Variants in NELFA observed in about 807,000 individuals in gnomAD.
NELFA encodes negative elongation factor complex member A.
In NELFA, 35 loss-of-function variants were observed where a neutral mutation model predicts 51.8. The ratio of observed to expected loss-of-function variants is 0.68; its 90% CI spans 0.52 to 0.90. The LOEUF is 0.90. NELFA is among the 40% of genes least tolerant of loss of function. The pLI, the probability that NELFA is intolerant of heterozygous loss-of-function variation, is 0.00. For missense variants in NELFA, 658 were observed against 746.4 expected, an observed-to-expected ratio of 0.88 and a Z score of 1.38; for synonymous variants, 417 against 338.4, an observed-to-expected ratio of 1.23 and a Z score of -2.55.
chr4:1,999,421 C>A (rs753663870), intron 1 of NELFA, among the ~76,000 whole-genome samples: 6 of 151,954 alleles, frequency 3.9e-5, no homozygotes, highest in Non-Finnish European at 8.8e-5. Flanking sequence ...CAAAGACACA[C>A]ACAGGCTCAG....
Position 1,982,980 on chromosome 4 carries a change from G to GA in NELFA, c.*338dup, listed in dbSNP as rs1727935142. ...GGCACTGCCCCAGCGAGGGAAAATA[G>GA]AAAAGATTTTAAAAAGTAAGAGTCT... On this transcript the variant is annotated 3_prime_UTR_variant, in exon 11 of 11. Coordinates refer to ENST00000382882, the MANE Select transcript of NELFA (RefSeq NM_005663.5). 2 of 193,972 alleles carry GA rather than the reference G, an allele frequency of 1.0e-5. No individual in the cohort carries two copies. Among genetic ancestry groups the GA allele is most frequent in the African/African-American group, 4.7e-5 (2 of 42,246 alleles). The allele number at this position is 193,972 out of a possible 1,614,324, so 12.0% of individuals were successfully genotyped here. A position where few individuals can be genotyped will look rare whatever the true frequency, so the allele number is the denominator to read the frequency against.
intron 1 of NELFA, among the ~76,000 whole-genome samples, chr4:2,000,610 G>A (rs57589679): frequency 7.3e-4 from 111 of 152,196 alleles, no homozygotes; most frequent in African/African-American, 2.4e-3. Context: ...GGAAGAAGTC[G>A]AATCCCTGAC....
rs1728163533 is a variant in NELFA, at chr4:1,988,081, C to T, written c.545-74G>A. ...TTGGCCCTTGTAAAAACATCTCTGT[C>T]AAGTGGATTCATCCGACGGCCTGAG... On this transcript the variant is annotated intron_variant, in intron 3 of 10. Coordinates refer to ENST00000382882, the MANE Select transcript of NELFA (RefSeq NM_005663.5). The T allele has an allele frequency of 1.3e-5, 17 of 1,270,836 alleles. No individual in the cohort carries two copies. In the South Asian group the frequency reaches 1.7e-4, roughly 13 times the overall value. The allele number at this position is 1,270,836 out of a possible 1,614,324, so 78.7% of individuals were successfully genotyped here. A position where few individuals can be genotyped will look rare whatever the true frequency, so the allele number is the denominator to read the frequency against.
intron 1 of NELFA, among the ~76,000 whole-genome samples, chr4:2,000,356 C>G (rs1390851082): frequency 6.6e-6 from 1 of 151,994 alleles, no homozygotes. Context: ...AATCCAGGAG[C>G]TGGTTTTGTG....
chr4:1,993,761 T>C (rs1728346828), intron 1 of NELFA, among the ~76,000 whole-genome samples: 1 of 151,308 alleles, frequency 6.6e-6, no homozygotes, highest in Non-Finnish European at 1.5e-5. Context: ...AGGTGCCTTT[T>C]GCTGGTGGAA....
intron 1 of NELFA, among the ~76,000 whole-genome samples, chr4:1,993,223 A>C (rs891747892): frequency 1.3e-5 from 2 of 152,352 alleles, no homozygotes; most frequent in Non-Finnish European, 2.9e-5. Flanking sequence ...TTGTGGAGTC[A>C]ATGTTTTCTC....
intron 6 of NELFA, 77 bp from the exon 7 acceptor site, chr4:1,985,941 A>T (rs2109054989): frequency 7.1e-7 from 1 of 1,402,388 alleles, no homozygotes; most frequent in East Asian, 2.5e-5. Context: ...CAGGGAATCA[A>T]ACAGCTTCCC....
chr4:2,005,585 G>A (rs750047113), intron 1 of NELFA, among the ~76,000 whole-genome samples: 25 of 151,998 alleles, frequency 1.6e-4, no homozygotes, highest in Non-Finnish European at 1.3e-4. Flanking sequence ...CCAGTTACTC[G>A]GGAAGCTAAG....
chr4:2,004,729 C>T (rs906936909), intron 1 of NELFA, among the ~76,000 whole-genome samples: 1 of 150,068 alleles, frequency 6.7e-6, no homozygotes, highest in African/African-American at 2.5e-5. Flanking sequence ...TTCAAGCAAT[C>T]CGCCCATCTT....
chr4:1,984,252 A>G, intron 8 of NELFA, 139 bp from the exon 9 acceptor site: 1 of 1,098,606 alleles, frequency 9.1e-7, no homozygotes, highest in Non-Finnish European at 1.2e-6. Flanking sequence ...GCCCCCAGCC[A>G]AGGCACAGGC....
chr4:1,995,946 T>G (rs2109062886), intron 1 of NELFA, among the ~76,000 whole-genome samples: 1 of 151,666 alleles, frequency 6.6e-6, no homozygotes, highest in Non-Finnish European at 1.5e-5. Context: ...GCTGAGGAAT[T>G]TGAGTCCAGC....
chr4:2,008,113 T>C, intron 1 of NELFA: 1 of 443,764 alleles, frequency 2.3e-6, no homozygotes, highest in South Asian at 1.6e-5. Flanking sequence ...AGGCCGCCCC[T>C]TCCTCACGCG....
chr4:2,001,680 AT>A (rs1463387853), intron 1 of NELFA, among the ~76,000 whole-genome samples: 4 of 152,220 alleles, frequency 2.6e-5, no homozygotes, highest in Non-Finnish European at 4.4e-5. Flanking sequence ...AGGCAGGCAG[AT>A]TACCTGAGGT....
At chr4:1,984,984 G>T (rs1433884119) in intron 7 of NELFA, 65 bp from the exon 8 acceptor site, 2 of 1,203,408 alleles carry the variant, frequency 1.7e-6, no homozygotes, top group Non-Finnish European at 2.3e-6. Flanking sequence ...CTAACACATG[G>T]CCCGACCCGG....
At chr4:1,983,762 G>C (rs1727982308) in intron 9 of NELFA, 67 bp from the exon 10 acceptor site, 1 of 1,598,792 alleles carries the variant, frequency 6.3e-7, no homozygotes, top group African/African-American at 1.4e-5. Context: ...CCCCCTGCAG[G>C]CACCGTGGCA....
intron 4 of NELFA, 131 bp from the exon 5 acceptor site, chr4:1,986,533 G>C (rs958537410): frequency 1.4e-6 from 2 of 1,427,230 alleles, no homozygotes; most frequent in African/African-American, 1.4e-5. Flanking sequence ...GGCGGGCAGC[G>C]GGCAGGACCC....
chr4:2,002,127 G>A (rs1404441470), intron 1 of NELFA, among the ~76,000 whole-genome samples: 2 of 151,758 alleles, frequency 1.3e-5, no homozygotes, highest in African/African-American at 4.8e-5. Flanking sequence ...GTGAACCCGG[G>A]AGGCGGAGCT....
intron 3 of NELFA, among the ~76,000 whole-genome samples, chr4:1,988,551 C>A (rs980253205): frequency 6.6e-6 from 1 of 152,226 alleles, no homozygotes; most frequent in Non-Finnish European, 1.5e-5. Context: ...GGGCCCGGGG[C>A]TGCACGGAGC....
intron 4 of NELFA, among the ~76,000 whole-genome samples, chr4:1,987,076 C>A (rs1191820580): frequency 6.6e-6 from 1 of 152,106 alleles, no homozygotes. Flanking sequence ...GGAACATGAC[C>A]CAGGGACGGC....
Sources: allele counts gnomAD v4.1 joint callset (sites outside exome capture counted in the v4.1 genomes callset), GRCh38; gene constraint gnomAD v4.1.1; transcripts MANE v1.5; gene names NCBI Gene and HGNC (gene_info 2026-07-23, HGNC 2026-07-21).